Variants in PRR5L observed in about 807,000 individuals in gnomAD.
The protein encoded by PRR5L is proline-rich protein 5-like.
In PRR5L, 21 loss-of-function variants were observed where a neutral mutation model predicts 36.4. The observed-to-expected ratio is 0.58, with a 90% confidence interval of 0.41 to 0.83. The LOEUF (loss-of-function observed/expected upper bound fraction) is 0.83, where lower values mean the gene tolerates loss of function less well. Among genes scored for constraint, PRR5L ranks in the 40% least tolerant of loss-of-function variants. The pLI is 0.00. For missense variants in PRR5L, 381 were observed against 473.3 expected (o/e 0.80, Z 1.81); for synonymous variants, 188 against 197.0 (o/e 0.95, Z 0.38).
chr11:36,395,104 A>T (rs1857631545), intron 1 of PRR5L, among the ~76,000 whole-genome samples: 2 of 152,202 alleles, frequency 1.3e-5, no homozygotes, highest in Non-Finnish European at 2.9e-5. Context: ...CATTGCTGAG[A>T]AGGCACCTTA....
intron 5 of PRR5L, among the ~76,000 whole-genome samples, chr11:36,433,407 G>A (rs900176844): frequency 1.3e-5 from 2 of 152,136 alleles, no homozygotes; most frequent in Non-Finnish European, 2.9e-5. Flanking sequence ...TCAAATTCAT[G>A]TTGTAGCATG....
intron 1 of PRR5L, among the ~76,000 whole-genome samples, chr11:36,338,915 C>T (rs1245442106): frequency 1.3e-5 from 2 of 152,070 alleles, no homozygotes; most frequent in African/African-American, 2.4e-5. Context: ...AACTGAGTCA[C>T]GGGGGCCCGT....
intron 5 of PRR5L, among the ~76,000 whole-genome samples, chr11:36,435,850 T>C (rs1416441195): frequency 6.6e-6 from 1 of 152,226 alleles, no homozygotes; most frequent in Non-Finnish European, 1.5e-5. Flanking sequence ...CTTGGCACTT[T>C]CCATCCATTC....
intron 1 of PRR5L, among the ~76,000 whole-genome samples, chr11:36,306,006 T>A (rs1038889304): frequency 6.6e-6 from 1 of 151,966 alleles, no homozygotes; most frequent in African/African-American, 2.4e-5. Flanking sequence ...GGGCCTAGCT[T>A]ATGTCACTTA....
chr11:36,405,723 A>G (rs7924917), intron 3 of PRR5L, among the ~76,000 whole-genome samples: 7,266 of 152,268 alleles, frequency 0.048, 240 homozygotes, highest in African/African-American at 0.088. Flanking sequence ...TTAAACAACA[A>G]AAATTTATTT....
intron 6 of PRR5L, among the ~76,000 whole-genome samples, chr11:36,444,852 A>C (rs1858794584): frequency 6.6e-6 from 1 of 152,206 alleles, no homozygotes; most frequent in African/African-American, 2.4e-5. Context: ...ATCACAAAGG[A>C]CCAAGAGCCA....
intron 1 of PRR5L, among the ~76,000 whole-genome samples, chr11:36,298,146 G>T (rs186926149): frequency 6.6e-6 from 1 of 152,130 alleles, no homozygotes. Context: ...AAGCAGTGCC[G>T]TATTAGTTTG....
chr11:36,338,935 G>A (rs1388861073), intron 1 of PRR5L, among the ~76,000 whole-genome samples: 1 of 152,134 alleles, frequency 6.6e-6, no homozygotes, highest in Admixed American at 6.6e-5. Context: ...TCTTTCCCGT[G>A]CTATTCTCGT....
At chr11:36,326,219 C>T (rs1900334) in intron 1 of PRR5L, among the ~76,000 whole-genome samples, 92,159 of 151,604 alleles carry the variant, frequency 0.61, 29,364 homozygotes, top group East Asian at 0.88. Flanking sequence ...AATATACACC[C>T]TTTCCTCCCA....
intron 1 of PRR5L, among the ~76,000 whole-genome samples, chr11:36,367,080 G>A (rs565056435): frequency 6.6e-6 from 1 of 152,252 alleles, no homozygotes; most frequent in South Asian, 2.1e-4. Flanking sequence ...TGTTTCTGAA[G>A]TGGGAAGGGT....
chr11:36,420,061 G>A (rs561616737), intron 4 of PRR5L, among the ~76,000 whole-genome samples: 3 of 152,274 alleles, frequency 2.0e-5, no homozygotes, highest in Admixed American at 6.5e-5. Context: ...ATTCACAGAC[G>A]CAAGCTGTTT....
chr11:36,315,189 G>A (rs1856543306), intron 1 of PRR5L, among the ~76,000 whole-genome samples: 1 of 152,052 alleles, frequency 6.6e-6, no homozygotes, highest in Non-Finnish European at 1.5e-5. Context: ...TGTAAAATGG[G>A]GATAGTAATC....
At chr11:36,387,674 G>C (rs1407283969) in intron 1 of PRR5L, among the ~76,000 whole-genome samples, 1 of 152,214 alleles carries the variant, frequency 6.6e-6, no homozygotes, top group Admixed American at 6.5e-5. Flanking sequence ...ACCATTAATT[G>C]AATGGTGAGT....
intron 1 of PRR5L, among the ~76,000 whole-genome samples, chr11:36,391,563 C>CT (rs11428494): frequency 0.48 from 72,311 of 151,980 alleles, 17,857 homozygotes; most frequent in Non-Finnish European, 0.54. Context: ...AGCACCAAAA[C>CT]TTTTAAGTTG....
At chr11:36,375,296 T>C (rs1208894727) in intron 1 of PRR5L, among the ~76,000 whole-genome samples, 1 of 151,960 alleles carries the variant, frequency 6.6e-6, no homozygotes, top group East Asian at 1.9e-4. Flanking sequence ...TCTTTCATTG[T>C]GTGTGATTCC....
rs1356347395 is a variant in PRR5L, at chr11:36,464,592, G to A, written c.*1856G>A. The A allele has an allele frequency of 6.6e-6, 1 of 152,182 alleles. No homozygotes were observed. Among genetic ancestry groups the A allele is most frequent in the Non-Finnish European group, 1.5e-5 (1 of 68,032 alleles). The allele number at this position is 152,182 out of a possible 1,614,324, so 9.4% of individuals were successfully genotyped here. On this transcript the variant is annotated 3_prime_UTR_variant, in exon 9 of 9. Coordinates refer to ENST00000530639, the MANE Select transcript of PRR5L (RefSeq NM_001160167.2). ...GACTGACTAACATGCATTAGCAAAT[G>A]GAGCATCAGTAGGTAGCAACATGAT...
In PRR5L at chr11:36,451,827, G is replaced by A. The variant is rs145312516; in HGVS notation, c.712+492G>A. On this transcript the variant is annotated intron_variant, in intron 8 of 8. Coordinates refer to ENST00000530639, the MANE Select transcript of PRR5L (RefSeq NM_001160167.2). ...TCCATTTCTGTAGGTACCACCACAT[G>A]GCAAGGAAAGGGGCTCTTGCATTTG... Among the ~76,000 whole-genome samples the A allele has an allele frequency of 4.8e-3, 726 of 152,248 alleles. 5 individuals carry two copies. The highest frequency in any genetic ancestry group is 0.015 in the African/African-American group (626 of 41,534).
At chr11:36,336,234 A>G (rs1374592887) in intron 1 of PRR5L, among the ~76,000 whole-genome samples, 1 of 152,126 alleles carries the variant, frequency 6.6e-6, no homozygotes, top group Non-Finnish European at 1.5e-5. Flanking sequence ...AAGAAAACTA[A>G]TTGTTTTTTT....
At chr11:36,426,329 T>A (rs1330923973) in intron 4 of PRR5L, among the ~76,000 whole-genome samples, 2 of 152,204 alleles carry the variant, frequency 1.3e-5, no homozygotes, top group African/African-American at 2.4e-5. Context: ...CTAATCTTTG[T>A]TAGAACACTT....
Sources: gnomAD v4.1 joint callset for allele counts (sites outside exome capture counted in the v4.1 genomes callset) on GRCh38, gnomAD v4.1.1 for gene constraint, MANE v1.5 for transcripts, NCBI Gene and HGNC (gene_info 2026-07-23, HGNC 2026-07-21) for gene names.